RYR3: variants seen among roughly 807,000 people sequenced by gnomAD.
The protein encoded by RYR3 is brain ryanodine receptor-calcium release channel.
RYR3 carries 207 observed loss-of-function variants against 584.3 expected under a neutral mutation model. That is an observed-to-expected ratio of 0.35 (90% CI 0.32 to 0.40). RYR3 has a LOEUF of 0.40. Among genes scored for constraint, RYR3 ranks in the 10% least tolerant of loss-of-function variants. The pLI is 1.00. For missense variants in RYR3, 5,616 were observed against 6,089.2 expected, an observed-to-expected ratio of 0.92 and a Z score of 2.59; for synonymous variants, 2,416 against 2,248.5, an observed-to-expected ratio of 1.07 and a Z score of -2.11.
intron 16 of RYR3, among the ~76,000 whole-genome samples, chr15:33,597,861 G>A (rs955968508): frequency 5.3e-5 from 8 of 150,954 alleles, no homozygotes; most frequent in South Asian, 2.1e-4. Context: ...CTTATGAGGC[G>A]TGCCAATGGA....
At chr15:33,490,313 C>A (rs533960750) in intron 2 of RYR3, among the ~76,000 whole-genome samples, 1 of 152,328 alleles carries the variant, frequency 6.6e-6, no homozygotes, top group African/African-American at 2.4e-5. Flanking sequence ...GGCCACTGAG[C>A]AGTTGACAAA....
intron 1 of RYR3, among the ~76,000 whole-genome samples, chr15:33,408,899 T>G (rs1179215392): frequency 2.6e-5 from 4 of 152,242 alleles, no homozygotes; most frequent in Non-Finnish European, 5.9e-5. Context: ...CTTTAATATT[T>G]ATAGTCATCT....
chr15:33,751,847 G>A (rs2071348284), intron 57 of RYR3, among the ~76,000 whole-genome samples: 1 of 152,018 alleles, frequency 6.6e-6, no homozygotes, highest in Non-Finnish European at 1.5e-5. Flanking sequence ...TTTCTTCTAG[G>A]GCTTTTATGG....
intron 1 of RYR3, among the ~76,000 whole-genome samples, chr15:33,395,404 A>G (rs952817860): frequency 1.3e-5 from 2 of 152,248 alleles, no homozygotes; most frequent in African/African-American, 4.8e-5. Flanking sequence ...GAAACTTAAA[A>G]TGGAACCACT....
rs1213769110 is a variant in RYR3, at chr15:33,636,363, T to C, written c.3382-13T>C. 6.2e-7 allele frequency: 1 copy of C among 1,612,810 alleles called. No homozygotes were observed. ...GACTCCATTTCTCTAAGCCCTAGAG[T>C]CTTGTTTTCTAGGGCCAGCGTTGGC... On this transcript the variant is annotated splice_polypyrimidine_tract_variant and intron_variant, in intron 26 of 103. Coordinates refer to ENST00000634891, the MANE Select transcript of RYR3 (RefSeq NM_001036.6).
rs1196071721 is a variant in RYR3 at position 33,726,381 on chromosome 15, TC to T, written c.6913-3del. 1 of 1,612,856 alleles carries T rather than the reference TC, an allele frequency of 6.2e-7. No individual in the cohort carries two copies. Among genetic ancestry groups the T allele is most frequent in the East Asian group, 2.2e-5 (1 of 44,856 alleles). ...TCTAATGTCATTCTCAACCCTATCTTCCAGCTCATCCAGACAGGAAAGGGGG... is the reference window on the plus strand; with the variant it reads ...TCTAATGTCATTCTCAACCCTATCTTCAGCTCATCCAGACAGGAAAGGGGG... On this transcript the variant is annotated splice_polypyrimidine_tract_variant and splice_region_variant and intron_variant, in intron 45 of 103. Transcript: ENST00000634891.
intron 40 of RYR3, among the ~76,000 whole-genome samples, 158 bp from the exon 41 acceptor site, chr15:33,699,546 T>C (rs982190182): frequency 6.6e-6 from 1 of 152,148 alleles, no homozygotes; most frequent in Admixed American, 6.5e-5. Flanking sequence ...TTTCAGGAAC[T>C]ATAACTCCTA....
intron 1 of RYR3, among the ~76,000 whole-genome samples, chr15:33,335,737 G>T (rs1413333705): frequency 6.7e-6 from 1 of 148,570 alleles, no homozygotes; most frequent in East Asian, 2.0e-4. Context: ...AAAAAAAAAA[G>T]ATCAGTGGAT....
intron 51 of RYR3, among the ~76,000 whole-genome samples, chr15:33,741,797 G>A (rs532584718): frequency 4.6e-5 from 7 of 152,172 alleles, no homozygotes; most frequent in African/African-American, 1.4e-4. Flanking sequence ...TGTATTTTTA[G>A]TAGAGACGGG....
chr15:33,601,339 C>CGTGG, intron 16 of RYR3, 80 bp from the exon 17 acceptor site: 2 of 1,436,636 alleles, frequency 1.4e-6, no homozygotes, highest in Non-Finnish European at 1.9e-6. Flanking sequence ...TTATGGACTC[C>CGTGG]TTCCCTCATG....
intron 52 of RYR3, among the ~76,000 whole-genome samples, chr15:33,742,697 A>G (rs2070275892): frequency 6.6e-6 from 1 of 152,068 alleles, no homozygotes; most frequent in African/African-American, 2.4e-5. Flanking sequence ...CTTTCTTAAC[A>G]TTTACTTACT....
intron 1 of RYR3, among the ~76,000 whole-genome samples, chr15:33,449,326 G>T (rs951809216): frequency 2.6e-5 from 4 of 152,152 alleles, no homozygotes; most frequent in Non-Finnish European, 5.9e-5. Context: ...GACCCCCTCC[G>T]TAAGGCAGTG....
chr15:33,511,433 T>C (rs543861276), intron 3 of RYR3, among the ~76,000 whole-genome samples: 17 of 152,130 alleles, frequency 1.1e-4, no homozygotes, highest in African/African-American at 4.1e-4. Flanking sequence ...ATCCATTTAC[T>C]GTTTTGTTTT....
intron 1 of RYR3, among the ~76,000 whole-genome samples, chr15:33,342,119 C>T (rs1971891519): frequency 6.6e-6 from 1 of 152,208 alleles, no homozygotes; most frequent in African/African-American, 2.4e-5. Flanking sequence ...CTACCAGGAG[C>T]AGTGAGTCCT....
intron 5 of RYR3, among the ~76,000 whole-genome samples, chr15:33,537,304 T>C (rs2055411565): frequency 6.6e-6 from 1 of 152,236 alleles, no homozygotes; most frequent in Non-Finnish European, 1.5e-5. Flanking sequence ...GGAATTTCTG[T>C]TGCCTTGCCC....
At chr15:33,672,118 C>G (rs917370747) in intron 38 of RYR3, among the ~76,000 whole-genome samples, 4 of 152,092 alleles carry the variant, frequency 2.6e-5, no homozygotes, top group Non-Finnish European at 5.9e-5. Context: ...CTGGCCCTTT[C>G]CCACCTTCTT....
Position 33,572,654 on chromosome 15 carries a change from TATATACAC to T in RYR3, c.1268+5857_1268+5864del, listed in dbSNP as rs1349039564. ...TCATTAAATTAAAAAAAAAAAACTA[TATATACAC>T]ACACACACACACACACACACACACA... is the stretch of plus-strand genomic sequence containing the variant. On this transcript the variant is annotated intron_variant, in intron 12 of 103. Coordinates refer to ENST00000634891, the MANE Select transcript of RYR3 (RefSeq NM_001036.6). Among the ~76,000 whole-genome samples, 38 of 121,160 alleles carry T rather than the reference TATATACAC, an allele frequency of 3.1e-4. 1 individual carries two copies. Among genetic ancestry groups the T allele is most frequent in the African/African-American group, 1.2e-3 (35 of 29,406 alleles). The allele number at this position is 121,160 out of a possible 152,430, so 79.5% of individuals were successfully genotyped here.
intron 32 of RYR3, 135 bp downstream of exon 32, chr15:33,653,018 A>G (rs1595987471): frequency 1.3e-6 from 1 of 780,600 alleles, no homozygotes; most frequent in Non-Finnish European, 2.0e-6. Context: ...TGGGCCACTT[A>G]GGACAACAAA....
chr15:33,406,383 A>G (rs919561579), intron 1 of RYR3, among the ~76,000 whole-genome samples: 2 of 152,226 alleles, frequency 1.3e-5, no homozygotes, highest in African/African-American at 4.8e-5. Context: ...GGAATCTTTC[A>G]GCTGTCTCTT....
Sources: allele counts gnomAD v4.1 joint callset (sites outside exome capture counted in the v4.1 genomes callset), GRCh38; gene constraint gnomAD v4.1.1; transcripts MANE v1.5; gene names NCBI Gene and HGNC (gene_info 2026-07-23, HGNC 2026-07-21).